The following CHRNA7 variants were observed in gnomAD, a reference collection of about 807,000 sequenced individuals.
CHRNA7 encodes the protein cholinergic receptor nicotinic alpha 7 subunit.
A neutral mutation model predicts 48.0 loss-of-function variants in CHRNA7; 17 were observed. That is an observed-to-expected ratio of 0.35 (90% confidence interval 0.24 to 0.53). The LOEUF is 0.53. Among genes scored for constraint, CHRNA7 ranks in the 20% least tolerant of loss-of-function variants. The probability of loss-of-function intolerance (pLI) is 0.92; values close to 1 mark genes in which losing one functional copy is unlikely to be tolerated. For missense variants in CHRNA7, 155 were observed against 577.7 expected, an observed-to-expected ratio of 0.27 and a Z score of 7.50; for synonymous variants, 75 against 242.3, an observed-to-expected ratio of 0.31 and a Z score of 6.41.
At chr15:32,072,540 A>G (rs1451095151) in intron 2 of CHRNA7, among the ~76,000 whole-genome samples, 2 of 152,184 alleles carry the variant, frequency 1.3e-5, no homozygotes, top group East Asian at 1.9e-4. Context: ...AGCCAAGACA[A>G]TGGGGAAAAG....
intron 2 of CHRNA7, among the ~76,000 whole-genome samples, chr15:32,097,225 C>T (rs987507271): frequency 5.3e-5 from 8 of 152,174 alleles, no homozygotes; most frequent in Admixed American, 1.3e-4. Context: ...TCCATGCCCT[C>T]CTGCCCAGTT....
In CHRNA7 at chr15:32,062,897, A is replaced by G. The variant is rs74013040; in HGVS notation, c.195+31860A>G. ...CATCAGAGTCTACTTACACAGACCT[A>G]GGTGTTATAGCATACTACACACTTA... On this transcript the variant is annotated intron_variant, in intron 2 of 9. Coordinates refer to ENST00000306901, the MANE Select transcript of CHRNA7 (RefSeq NM_000746.6). 1.8e-3 allele frequency among the ~76,000 whole-genome samples: 278 copies of G among 152,348 alleles called. 2 individuals are homozygous for G. Among genetic ancestry groups the G allele is most frequent in the African/African-American group, 6.5e-3 (270 of 41,588 alleles).
chr15:32,085,016 A>G (rs541100409), intron 2 of CHRNA7, among the ~76,000 whole-genome samples: 2 of 152,198 alleles, frequency 1.3e-5, no homozygotes, highest in South Asian at 2.1e-4. Flanking sequence ...TATTTTTAGT[A>G]GAGCTAGGGT....
At chr15:32,054,399 T>C (rs960569543) in intron 2 of CHRNA7, among the ~76,000 whole-genome samples, 1 of 82,720 alleles carries the variant, frequency 1.2e-5, no homozygotes, top group Non-Finnish European at 2.2e-5. Flanking sequence ...GTGTTAAAGG[T>C]CTCTCGTAGA....
intron 4 of CHRNA7, among the ~76,000 whole-genome samples, chr15:32,144,304 C>A (rs1346231343): frequency 1.3e-5 from 2 of 152,258 alleles, no homozygotes; most frequent in East Asian, 3.9e-4. Context: ...GATGGGCTTC[C>A]CTTTGTGGGT....
intron 4 of CHRNA7, among the ~76,000 whole-genome samples, chr15:32,146,146 A>G (rs1229093955): frequency 6.6e-6 from 1 of 152,250 alleles, no homozygotes; most frequent in African/African-American, 2.4e-5. Context: ...TTCTATTAGG[A>G]ATGCACAGTT....
chr15:32,087,637 A>C (rs546288606), intron 2 of CHRNA7, among the ~76,000 whole-genome samples: 25 of 152,342 alleles, frequency 1.6e-4, no homozygotes, highest in South Asian at 8.3e-4. Context: ...TTCATGCTTA[A>C]GTCTCCAACT....
At chr15:32,071,769 A>G (rs1048044168) in intron 2 of CHRNA7, among the ~76,000 whole-genome samples, 5 of 151,618 alleles carry the variant, frequency 3.3e-5, no homozygotes, top group African/African-American at 1.2e-4. Context: ...TTCACCAGAA[A>G]CAGATGCTGG....
intron 2 of CHRNA7, among the ~76,000 whole-genome samples, chr15:32,080,564 A>G (rs2050200286): frequency 6.6e-6 from 1 of 152,232 alleles, no homozygotes; most frequent in Non-Finnish European, 1.5e-5. Context: ...ACGAATCATT[A>G]GAGAAATGCA....
At chr15:32,100,168 A>G (rs113648601) in intron 2 of CHRNA7, 6 of 150,772 alleles carry the variant, frequency 4.0e-5, no homozygotes, top group African/African-American at 1.5e-4. Flanking sequence ...GCCCCAGCAG[A>G]TGCCACGTTC....
At chr15:32,046,802 G>T (rs2049557003) in intron 2 of CHRNA7, among the ~76,000 whole-genome samples, 1 of 151,808 alleles carries the variant, frequency 6.6e-6, no homozygotes, top group African/African-American at 2.4e-5. Flanking sequence ...TATGGTTTTA[G>T]GTCTAACGTT....
At chr15:32,059,912 T>A (rs368960092) in intron 2 of CHRNA7, among the ~76,000 whole-genome samples, 24 of 103,676 alleles carry the variant, frequency 2.3e-4, no homozygotes, top group African/African-American at 8.6e-4. Flanking sequence ...CTGATTAGTA[T>A]CCTAAGATCT....
At chr15:32,090,658 AT>A (rs5811678) in intron 2 of CHRNA7, among the ~76,000 whole-genome samples, 110,096 of 150,314 alleles carry the variant, frequency 0.73, 40,845 homozygotes, top group South Asian at 0.87. Context: ...CATTTCATTC[AT>A]TTTTTTTTTT....
At chr15:32,083,501 A>G (rs901572817) in intron 2 of CHRNA7, among the ~76,000 whole-genome samples, 19 of 152,244 alleles carry the variant, frequency 1.2e-4, no homozygotes, top group Non-Finnish European at 2.5e-4. Flanking sequence ...ATTGCAAAGA[A>G]ACATTGTTGT....
At chr15:32,044,290 T>TCCTTCCTTCCTTCC (rs1566798040) in intron 2 of CHRNA7, among the ~76,000 whole-genome samples, 1 of 151,990 alleles carries the variant, frequency 6.6e-6, no homozygotes, top group South Asian at 2.1e-4. Context: ...CTTCCTTCTT[T>TCCTTCCTTCCTTCC]TTTTGGGGAT....
At chr15:32,124,742 C>T (rs1488704737) in intron 4 of CHRNA7, among the ~76,000 whole-genome samples, 1 of 152,112 alleles carries the variant, frequency 6.6e-6, no homozygotes, top group Non-Finnish European at 1.5e-5. Flanking sequence ...TCCTAACCCC[C>T]AAGGTGATGG....
Position 32,031,116 on chromosome 15 carries a change from A to T in CHRNA7, c.195+79A>T, listed in dbSNP as rs561821235. The stretch of plus-strand genomic sequence containing the variant: ...GCTTTTTAGACAGCGTCGGGCGGCC[A>T]GGCGGTGGAGCTCGGCTGGGGCACT... On this transcript the variant is annotated intron_variant, in intron 2 of 9. Coordinates refer to ENST00000306901, the MANE Select transcript of CHRNA7 (RefSeq NM_000746.6). The T allele has an allele frequency of 5.7e-5, 89 of 1,573,204 alleles. 1 individual carries two copies. The South Asian group carries it at 1.0e-3, about 18-fold the overall frequency.
intron 2 of CHRNA7, among the ~76,000 whole-genome samples, chr15:32,079,184 C>T (rs2050178812): frequency 6.6e-6 from 1 of 152,176 alleles, no homozygotes; most frequent in Non-Finnish European, 1.5e-5. Flanking sequence ...GGCAGACCCA[C>T]AGCCAATATC....
chr15:32,107,757 C>T (rs905842023), intron 3 of CHRNA7, among the ~76,000 whole-genome samples: 53 of 152,240 alleles, frequency 3.5e-4, no homozygotes, highest in African/African-American at 1.2e-3. Context: ...TTTATAACCC[C>T]GTCTCGAGCC....
Sources: allele counts gnomAD v4.1 joint callset (sites outside exome capture counted in the v4.1 genomes callset), GRCh38; gene constraint gnomAD v4.1.1; transcripts MANE v1.5; gene names NCBI Gene and HGNC (gene_info 2026-07-23, HGNC 2026-07-21).